The following SPATA6 variants were observed in gnomAD, a reference collection of about 807,000 sequenced individuals.
The protein encoded by SPATA6 is spermatogenesis associated 6, also known as spermatogenesis-associated protein 6.
SPATA6 carries 56 observed loss-of-function variants against 65.3 expected under a neutral mutation model. The ratio of observed to expected loss-of-function variants is 0.86; its 90% confidence interval spans 0.69 to 1.07. SPATA6 has a LOEUF of 1.07. Among genes scored for constraint, SPATA6 ranks in the 50% least tolerant of loss-of-function variants. SPATA6 has a pLI of 0.00. For synonymous variants in SPATA6, 199 were observed against 213.2 expected, an observed-to-expected ratio of 0.93 and a Z score of 0.58; for missense variants, 590 against 594.8, an observed-to-expected ratio of 0.99 and a Z score of 0.08.
intron 3 of SPATA6, among the ~76,000 whole-genome samples, chr1:48,442,906 C>G (rs2148117557): frequency 6.6e-6 from 1 of 152,230 alleles, no homozygotes; most frequent in East Asian, 1.9e-4. Context: ...CCATAGCCTT[C>G]CTATCAAAAA....
the SPATA6 span, among the ~76,000 whole-genome samples, chr1:48,290,107 G>A: frequency 2.0e-5 from 3 of 152,288 alleles, no homozygotes; most frequent in South Asian, 6.2e-4. Context: ...GAGAAAGGTT[G>A]GGTTACCCAC....
At chr1:48,369,847 A>C (rs138234806) in intron 9 of SPATA6, among the ~76,000 whole-genome samples, 3,496 of 152,334 alleles carry the variant, frequency 0.023, 62 homozygotes, top group Non-Finnish European at 0.037. Context: ...ATGGAAATGC[A>C]GAAATCACCC....
At chr1:48,277,485 G>A in the SPATA6 span, among the ~76,000 whole-genome samples, 2,492 of 151,882 alleles carry the variant, frequency 0.016, 81 homozygotes, top group African/African-American at 0.057. Context: ...CCAATACTGC[G>A]CTTTTCCGAC....
intron 11 of SPATA6, among the ~76,000 whole-genome samples, chr1:48,349,977 C>T (rs1425287531): frequency 1.3e-5 from 2 of 151,764 alleles, no homozygotes; most frequent in Non-Finnish European, 2.9e-5. Context: ...TGGATAAAGA[C>T]CTAGGAGTAG....
chr1:48,284,147 T>A, the SPATA6 span, among the ~76,000 whole-genome samples: 1 of 152,228 alleles, frequency 6.6e-6, no homozygotes, highest in South Asian at 2.1e-4. Flanking sequence ...CTTTTTTCTC[T>A]AATCTTATCT....
chr1:48,333,067 T>C (rs1350799502), intron 11 of SPATA6, among the ~76,000 whole-genome samples: 1 of 152,162 alleles, frequency 6.6e-6, no homozygotes. Context: ...TCTGGGTGTA[T>C]CTGGCTGTTA....
Position 48,395,266 on chromosome 1 carries a change from C to A in SPATA6, c.868+1G>T, listed in dbSNP as rs778270844. 1.9e-6 allele frequency: 3 copies of A among 1,544,740 alleles called. No homozygotes were observed. The highest frequency in any genetic ancestry group is 2.5e-5 in the South Asian group (2 of 80,652). ...ATGAATAAAGACAACTTCTAGCTTA[C>A]CATTGTGCACCCTTGACCATCCATC... On this transcript the variant is annotated splice_donor_variant, in intron 8 of 12. Transcript: ENST00000371847. LOFTEE classifies it high-confidence loss of function.
intron 11 of SPATA6, among the ~76,000 whole-genome samples, chr1:48,314,931 T>C (rs1645359323): frequency 6.6e-6 from 1 of 152,144 alleles, no homozygotes; most frequent in Non-Finnish European, 1.5e-5. Context: ...GCAAATAAAC[T>C]AGAAAATCTA....
At chr1:48,449,835 A>G (rs1656400601) in intron 3 of SPATA6, among the ~76,000 whole-genome samples, 1 of 152,188 alleles carries the variant, frequency 6.6e-6, no homozygotes, top group African/African-American at 2.4e-5. Flanking sequence ...AGGCCATACC[A>G]AAGTATTTGT....
chr1:48,418,263 A>C (rs1652965531), intron 3 of SPATA6, among the ~76,000 whole-genome samples: 1 of 152,140 alleles, frequency 6.6e-6, no homozygotes, highest in Non-Finnish European at 1.5e-5. Context: ...CAATAAATGG[A>C]AGAACAAAAA....
chr1:48,305,732 A>G (rs1645044678), intron 12 of SPATA6, 55 bp downstream of exon 12: 3 of 1,340,290 alleles, frequency 2.2e-6, no homozygotes, highest in Non-Finnish European at 2.1e-6. Context: ...GCATATTATA[A>G]AACAGTTATT....
chr1:48,389,894 A>C (rs1234382491), intron 8 of SPATA6, among the ~76,000 whole-genome samples: 1 of 152,174 alleles, frequency 6.6e-6, no homozygotes, highest in Non-Finnish European at 1.5e-5. Context: ...GAAAAGATTC[A>C]CGGTACAACC....
chr1:48,407,494 C>T (rs1651814034), intron 5 of SPATA6, among the ~76,000 whole-genome samples: 1 of 152,166 alleles, frequency 6.6e-6, no homozygotes, highest in Non-Finnish European at 1.5e-5. Flanking sequence ...CTATTTGTGC[C>T]ACTGCCCAAA....
At chr1:48,341,784 T>C (rs1243298657) in intron 11 of SPATA6, among the ~76,000 whole-genome samples, 3 of 152,164 alleles carry the variant, frequency 2.0e-5, no homozygotes, top group Non-Finnish European at 4.4e-5. Flanking sequence ...AGTTATGGCA[T>C]GGTGCATGGT....
chr1:48,287,585 TAA>T, the SPATA6 span, among the ~76,000 whole-genome samples: 1,858 of 152,304 alleles, frequency 0.012, 39 homozygotes, highest in African/African-American at 0.041. Flanking sequence ...TCTGGCTGTT[TAA>T]AAGAGTCTGG....
chr1:48,297,367 C>T lies in SPATA6; in HGVS notation c.*1346G>A, dbSNP rs1644834124. On this transcript the variant is annotated 3_prime_UTR_variant, in exon 13 of 13. Transcript: ENST00000371847. Reference sequence around the variant, plus strand: ...GCTAGAAAACGGCAGACATGGGATACTAAAGCCTAGGACTCCTGGCTCATA... The same window carrying T: ...GCTAGAAAACGGCAGACATGGGATATTAAAGCCTAGGACTCCTGGCTCATA... 1 of 152,072 alleles carries T rather than the reference C, an allele frequency of 6.6e-6. No individual in the cohort carries two copies. 9.4% of individuals were successfully genotyped at this position (152,072 alleles called of 1,614,324 possible).
At chr1:48,442,868 G>C (rs1317927207) in intron 3 of SPATA6, among the ~76,000 whole-genome samples, 1 of 152,086 alleles carries the variant, frequency 6.6e-6, no homozygotes, top group Non-Finnish European at 1.5e-5. Context: ...CAAGGGCGTA[G>C]CCTGAAAGCA....
rs184796243 is a variant in SPATA6, at chr1:48,315,148, T to C, written c.1195-9270A>G. 5.5e-3 allele frequency among the ~76,000 whole-genome samples: 841 copies of C among 152,276 alleles called. 8 individuals are homozygous for C. The highest frequency in any genetic ancestry group is 0.019 in the African/African-American group (793 of 41,546). On this transcript the variant is annotated intron_variant, in intron 11 of 12. Coordinates refer to ENST00000371847, the MANE Select transcript of SPATA6 (RefSeq NM_019073.4). ...GCTGGTACCATTCCTTCTGAAACTA[T>C]TCCAATCAACACAAAAAGAGGGAAT...
At chr1:48,269,103 G>A in the SPATA6 span, among the ~76,000 whole-genome samples, 1 of 152,104 alleles carries the variant, frequency 6.6e-6, no homozygotes, top group Admixed American at 6.5e-5. Context: ...GTAAATTTAA[G>A]AGCCATATCA....
Sources: allele counts gnomAD v4.1 joint callset (sites outside exome capture counted in the v4.1 genomes callset), GRCh38; gene constraint gnomAD v4.1.1; transcripts MANE v1.5; gene names NCBI Gene and HGNC (gene_info 2026-07-23, HGNC 2026-07-21).